ITGAE: variants seen among roughly 807,000 people sequenced by gnomAD.
The protein encoded by ITGAE is integrin subunit alpha E.
ITGAE carries 99 observed loss-of-function variants against 136.5 expected under a neutral mutation model. The observed-to-expected ratio is 0.73, with a 90% CI of 0.62 to 0.86. The LOEUF is 0.86. Ranked by LOEUF, ITGAE falls within the 40% of genes least tolerant of loss-of-function variation. The pLI is 0.00. For missense variants in ITGAE, 1,447 were observed against 1,515.3 expected (o/e 0.95, Z 0.75); for synonymous variants, 613 against 591.8 (o/e 1.04, Z -0.52).
rs750730883 is a variant in ITGAE at position 3,748,011 on chromosome 17, G to T, written c.2066C>A (p.Thr689Asn). 2 of 1,612,886 alleles carry T rather than the reference G, an allele frequency of 1.2e-6. No homozygotes were observed. Among genetic ancestry groups the T allele is most frequent in the African/African-American group, 2.7e-5 (2 of 74,864 alleles). ...VVRLKVSMAF[T>N]PSALPIGFNG... is the part of the protein sequence containing the mutation. ...GAAGCCGATGGGCAGTGCGCTGGGG[G>T]TGAAGGCCATGGAGACCTTCAGGCG... The change falls in exon 17 of 31, where the codon ACC becomes AAC. Residue 689 changes from threonine (T) to asparagine (N), a missense_variant. Transcript: ENST00000263087.
intron 27 of ITGAE, 125 bp from the exon 28 acceptor site, chr17:3,723,508 ACCT>A: frequency 1.0e-6 from 1 of 979,692 alleles, no homozygotes; most frequent in East Asian, 2.5e-5. Context: ...TTCAGCGCTC[ACCT>A]CGGCCCAAGC....
At chr17:3,744,486 G>A (rs949040237) in intron 18 of ITGAE, among the ~76,000 whole-genome samples, 11 of 139,654 alleles carry the variant, frequency 7.9e-5, no homozygotes, top group African/African-American at 2.7e-4. Flanking sequence ...TCGCTCTGTC[G>A]CCCAGGCTGG....
chr17:3,770,120 T>C (rs1224355192), intron 2 of ITGAE, among the ~76,000 whole-genome samples: 4 of 148,924 alleles, frequency 2.7e-5, no homozygotes, highest in African/African-American at 9.9e-5. Flanking sequence ...CTTTCTTTTT[T>C]TTTTTTTTCT....
intron 2 of ITGAE, among the ~76,000 whole-genome samples, chr17:3,767,891 T>C (rs2052336029): frequency 6.6e-6 from 1 of 152,132 alleles, no homozygotes; most frequent in Non-Finnish European, 1.5e-5. Flanking sequence ...CAGAGAAAGA[T>C]GCAAAGCTTA....
intron 2 of ITGAE, among the ~76,000 whole-genome samples, chr17:3,774,419 C>T (rs369988322): frequency 8.7e-4 from 132 of 152,158 alleles, no homozygotes; most frequent in African/African-American, 3.1e-3. Flanking sequence ...AACAGCAATA[C>T]GTAATACATA....
intron 14 of ITGAE, among the ~76,000 whole-genome samples, chr17:3,752,698 T>C (rs1315241744): frequency 2.7e-5 from 4 of 148,488 alleles, no homozygotes; most frequent in African/African-American, 7.5e-5. Flanking sequence ...TTGCAGTAAG[T>C]TGAGATTGCA....
chr17:3,793,482 C>T lies in ITGAE; in HGVS notation c.34+7629G>A, dbSNP rs182906113. Among the ~76,000 whole-genome samples the T allele has an allele frequency of 1.8e-4, 27 of 152,308 alleles. No homozygotes were observed. The East Asian group carries it at 4.2e-3, about 24-fold the overall frequency. On this transcript the variant is annotated intron_variant, in intron 1 of 30. Coordinates refer to ENST00000263087, the MANE Select transcript of ITGAE (RefSeq NM_002208.5). ...TCCTGTCTCACGTGGGCCCTGGGGC[C>T]GGAGCCCAGACTCCCTACTGGGCAT...
chr17:3,741,955 TA>T (rs1325107381), intron 19 of ITGAE, among the ~76,000 whole-genome samples: 3 of 152,134 alleles, frequency 2.0e-5, no homozygotes, highest in Non-Finnish European at 2.9e-5. Context: ...TACATGCCTG[TA>T]ATCCCAGCTA....
rs1201695419 is a variant in ITGAE at position 3,762,589 on chromosome 17, ATTTTTTTTTTT to A, written c.248-618_248-608del. Among the ~76,000 whole-genome samples, 253 of 111,810 alleles carry A rather than the reference ATTTTTTTTTTT, an allele frequency of 2.3e-3. 2 individuals carry two copies. Among genetic ancestry groups the A allele is most frequent in the Non-Finnish European group, 3.5e-3 (190 of 54,788 alleles). 73.4% of individuals were successfully genotyped at this position (111,810 alleles called of 152,430 possible). A position where few individuals can be genotyped will look rare whatever the true frequency, so the allele number is the denominator to read the frequency against. ...TCAACTCAGTGCCTCTCAGACAAGG[ATTTTTTTTTTT>A]TTTTTTTTTTTTTTTGAGACAGAGT... On this transcript the variant is annotated intron_variant, in intron 3 of 30. Transcript: ENST00000263087.
intron 2 of ITGAE, among the ~76,000 whole-genome samples, chr17:3,770,201 C>T (rs1461025666): frequency 1.3e-5 from 2 of 151,162 alleles, no homozygotes; most frequent in African/African-American, 4.9e-5. Flanking sequence ...CTCACTGCAA[C>T]CTCTGCCTCC....
chr17:3,757,024 C>A lies in ITGAE; in HGVS notation c.1131G>T (p.Gly377=). ...FKVTNYMALD[G]LLSKLRYNII... ...TGTTGTACCGCAGTTTGCTCAGCAG[C>A]CCATCCAGCGCCATGTAGTTGGTCA... The change falls in exon 10 of 31, where the codon GGG becomes GGT. Residue 377 remains glycine (G), a synonymous_variant. Transcript: ENST00000263087. 6.2e-7 allele frequency: 1 copy of A among 1,614,206 alleles called. No homozygotes were observed. The highest frequency in any genetic ancestry group is 1.1e-5 in the South Asian group (1 of 91,086).
Position 3,757,070 on chromosome 17 carries a change from T to G in ITGAE, c.1085A>C (p.Asp362Ala), listed in dbSNP as rs1431703797. The change falls in exon 10 of 31, where the codon GAT becomes GCT. Residue 362 changes from aspartate (D) to alanine (A), a missense_variant. Asp to Ala is a moderately radical substitution (Grantham distance 126, BLOSUM62 -2). This residue lies in a region of ITGAE where 310 missense variants were observed against 416.1 expected (regional missense o/e 0.74). Coordinates refer to ENST00000263087, the MANE Select transcript of ITGAE (RefSeq NM_002208.5). ...RELNLIASDP[D>A]ETHAFKVTNY... is the part of the protein sequence containing the mutation. ...GGTCACCTTGAAAGCATGGGTCTCA[T>G]CCGGGTCTGAGGCGATCAGGTTCAG... The G allele has an allele frequency of 1.2e-6, 2 of 1,614,088 alleles. No homozygotes were observed. The highest frequency in any genetic ancestry group is 1.7e-6 in the Non-Finnish European group (2 of 1,180,030).
At chr17:3,774,637 C>T (rs2052499480) in intron 2 of ITGAE, among the ~76,000 whole-genome samples, 2 of 151,970 alleles carry the variant, frequency 1.3e-5, no homozygotes, top group African/African-American at 2.4e-5. Context: ...TGGTGGCGGG[C>T]GCCTGTAATC....
In ITGAE at chr17:3,752,576, C is replaced by T. The variant is rs575866515; in HGVS notation, c.1669-702G>A. On this transcript the variant is annotated intron_variant, in intron 14 of 30. Coordinates refer to ENST00000263087, the MANE Select transcript of ITGAE (RefSeq NM_002208.5). ...TTCGAGACCAGCCTGGTTAACATGG[C>T]GGAACCCCATCTCTACTAAAATTAC... 9.6e-4 allele frequency among the ~76,000 whole-genome samples: 143 copies of T among 149,632 alleles called. 1 individual carries two copies. The highest frequency in any genetic ancestry group is 3.3e-3 in the African/African-American group (135 of 40,520).
intron 21 of ITGAE, among the ~76,000 whole-genome samples, chr17:3,734,465 C>G (rs1482023289): frequency 6.6e-6 from 1 of 152,176 alleles, no homozygotes; most frequent in Non-Finnish European, 1.5e-5. Context: ...CAGACTGTTT[C>G]CTAGTATCTG....
chr17:3,763,239 G>A (rs1308619193), intron 3 of ITGAE, among the ~76,000 whole-genome samples: 2 of 152,122 alleles, frequency 1.3e-5, no homozygotes. Flanking sequence ...ATAGCCAAGA[G>A]GTTGTCAGTA....
At chr17:3,767,393 C>T (rs553923870) in intron 2 of ITGAE, among the ~76,000 whole-genome samples, 5 of 151,896 alleles carry the variant, frequency 3.3e-5, no homozygotes, top group Admixed American at 6.6e-5. Context: ...CCACCACACC[C>T]GGCCAATTTT....
chr17:3,765,168 T>C (rs992337636), intron 2 of ITGAE, among the ~76,000 whole-genome samples: 11 of 151,540 alleles, frequency 7.3e-5, no homozygotes, highest in African/African-American at 2.4e-4. Flanking sequence ...GCTAACATGG[T>C]GAAACCCCGT....
chr17:3,791,973 TTATCCAA>T (rs2143477637), intron 1 of ITGAE, among the ~76,000 whole-genome samples: 1 of 152,324 alleles, frequency 6.6e-6, no homozygotes, highest in African/African-American at 2.4e-5. Context: ...TAAAATTTTA[TTATCCAA>T]AAATCAACCT....
Sources: allele counts gnomAD v4.1 joint callset (sites outside exome capture counted in the v4.1 genomes callset), GRCh38; gene constraint gnomAD v4.1.1; regional missense constraint gnomAD v4.1.1; transcripts MANE v1.5; gene names NCBI Gene and HGNC (gene_info 2026-07-23, HGNC 2026-07-21).